The following RYR3 variants were observed in gnomAD, a reference collection of about 807,000 sequenced individuals.
RYR3 encodes brain ryanodine receptor-calcium release channel.
RYR3 carries 207 observed loss-of-function variants against 584.3 expected under a neutral mutation model. The observed-to-expected ratio is 0.35, with a 90% CI of 0.32 to 0.40. RYR3 has a LOEUF of 0.40. Ranked by LOEUF, RYR3 falls within the 10% of genes least tolerant of loss-of-function variation. The pLI is 1.00. For missense variants in RYR3, 5,616 were observed against 6,089.2 expected, an observed-to-expected ratio of 0.92 and a Z score of 2.59; for synonymous variants, 2,416 against 2,248.5, an observed-to-expected ratio of 1.07 and a Z score of -2.11.
At chr15:33,756,452 T>C (rs2071837686) in intron 59 of RYR3, 79 bp downstream of exon 59, 2 of 1,021,446 alleles carry the variant, frequency 2.0e-6, no homozygotes, top group Non-Finnish European at 1.5e-6. Flanking sequence ...GTGGATCCAG[T>C]GAAGATATCT....
At chr15:33,645,820 T>C (rs2062070286) in intron 28 of RYR3, among the ~76,000 whole-genome samples, 1 of 152,104 alleles carries the variant, frequency 6.6e-6, no homozygotes, top group Non-Finnish European at 1.5e-5. Context: ...TTCCTAGTAT[T>C]AGGAGGAGGC....
Position 33,823,011 on chromosome 15 carries a change from C to G in RYR3, c.11011C>G (p.Leu3671Val). 6.2e-7 allele frequency: 1 copy of G among 1,613,388 alleles called. No homozygotes were observed. Among genetic ancestry groups the G allele is most frequent in the Non-Finnish European group, 8.5e-7 (1 of 1,179,588 alleles). The change falls in exon 81 of 104, where the codon CTA becomes GTA. Residue 3671 changes from leucine to valine, a missense_variant. By Grantham distance (32) the Leu-to-Val change is conservative. Coordinates refer to ENST00000634891, the MANE Select transcript of RYR3 (RefSeq NM_001036.6). ...TCCCTTGCAGAAAATGCTAGATTAC[C>G]TAAAGGAGAAAAAGGATGCTGGATT... ...AGVQQKMLDY[L>V]KEKKDAGFFQ... is the part of the protein sequence containing the mutation.
chr15:33,785,850 C>G lies in RYR3; in HGVS notation c.9457C>G (p.Leu3153Val). 6.2e-7 allele frequency: 1 copy of G among 1,613,906 alleles called. No individual in the cohort carries two copies. Among genetic ancestry groups the G allele is most frequent in the Non-Finnish European group, 8.5e-7 (1 of 1,179,868 alleles). ...CTGGTGGGAGCGGGGTCCTGAGAAC[C>G]TGCCCCCCAGCACAGGGCCATGCTG... ...SYWWERGPEN[L>V]PPSTGPCCTK... Residue 3153 changes from leucine (L) to valine (V), a missense_variant, in exon 66 of 104, where the codon CTG (leucine) becomes GTG (valine). Leu to Val is a conservative substitution (Grantham distance 32). Around this residue, in one of 9 missense-constraint regions of RYR3, gnomAD observed 954 missense variants for 1,132.2 expected, o/e 0.84. Transcript: ENST00000634891.
At chr15:33,407,031 G>T (rs1263686072) in intron 1 of RYR3, among the ~76,000 whole-genome samples, 2 of 152,232 alleles carry the variant, frequency 1.3e-5, no homozygotes, top group African/African-American at 4.8e-5. Context: ...ATTGCTCTCT[G>T]CTTCCAAGAT....
chr15:33,861,405 G>A (rs1319364800), intron 102 of RYR3, among the ~76,000 whole-genome samples: 2 of 151,942 alleles, frequency 1.3e-5, no homozygotes, highest in South Asian at 4.2e-4. Flanking sequence ...ACCTGTGATT[G>A]GATTCCATCC....
intron 1 of RYR3, among the ~76,000 whole-genome samples, chr15:33,320,949 A>G (rs1456413314): frequency 6.6e-6 from 1 of 152,080 alleles, no homozygotes; most frequent in African/African-American, 2.4e-5. Flanking sequence ...ATTCTGCTTC[A>G]CTCTAAATAT....
At chr15:33,385,710 CTT>C (rs10682215) in intron 1 of RYR3, among the ~76,000 whole-genome samples, 1 of 131,402 alleles carries the variant, frequency 7.6e-6, no homozygotes. Flanking sequence ...TTTTTCTTTT[CTT>C]TTTTTTTTTG....
chr15:33,548,149 G>T lies in RYR3; in HGVS notation c.760G>T (p.Gly254Trp), dbSNP rs766677306. ...TCACAGGAGGATATTCTACGAAGCT[G>T]GGGGAGCTGGGACTCGAGCCAGGTC... ...SQHRRIFYEAGGAGTRARSLW... is the reference protein window; with the variant it reads ...SQHRRIFYEAWGAGTRARSLW... Residue 254 changes from glycine (G) to tryptophan (W), a missense_variant, in exon 9 of 104, where the codon GGG becomes TGG. Transcript: ENST00000634891. The T allele has an allele frequency of 6.2e-7, 1 of 1,612,204 alleles. No individual in the cohort carries two copies. Among genetic ancestry groups the T allele is most frequent in the African/African-American group, 1.3e-5 (1 of 74,904 alleles).
Position 33,553,147 on chromosome 15 carries a change from C to T in RYR3, c.972+2831C>T, listed in dbSNP as rs373025100. 3.1e-3 allele frequency among the ~76,000 whole-genome samples: 473 copies of T among 152,056 alleles called. 1 individual carries two copies. The highest frequency in any genetic ancestry group is 0.011 in the African/African-American group (441 of 41,468). On this transcript the variant is annotated intron_variant, in intron 10 of 103. Transcript: ENST00000634891. The stretch of plus-strand genomic sequence containing the variant: ...TTTTCTATGGGACTGGGGCAGAGGG[C>T]GAGGAAGCAGGGTATTCATCTGATC...
intron 12 of RYR3, among the ~76,000 whole-genome samples, chr15:33,573,790 A>G (rs558700828): frequency 6.6e-6 from 1 of 152,312 alleles, no homozygotes; most frequent in East Asian, 1.9e-4. Context: ...TTATCTCTAT[A>G]CATTGGGCTT....
chr15:33,635,783 G>A lies in RYR3; in HGVS notation c.3345G>A (p.Gly1115=). ...RPGCRPDVEL[G]ADDQAFVFEG... The stretch of plus-strand genomic sequence containing the variant: ...GCTGTCGACCTGATGTCGAGCTGGG[G>A]GCCGATGACCAAGCCTTTGTGTTTG... The change falls in exon 26 of 104, where the codon GGG becomes GGA. Residue 1115 remains glycine (G), a synonymous_variant. Transcript: ENST00000634891. 2 of 1,613,512 alleles carry A rather than the reference G, an allele frequency of 1.2e-6. No homozygotes were observed.
chr15:33,488,379 G>T (rs1239681755), intron 2 of RYR3, among the ~76,000 whole-genome samples: 1 of 150,556 alleles, frequency 6.6e-6, no homozygotes, highest in Non-Finnish European at 1.5e-5. Context: ...TGCTATTTTG[G>T]TCTCGATTAG....
chr15:33,788,544 T>TGAA, intron 67 of RYR3, 86 bp downstream of exon 67: 1 of 1,491,112 alleles, frequency 6.7e-7, no homozygotes. Context: ...GGTGTTGGGT[T>TGAA]GTTAACAGTG....
At chr15:33,446,771 A>G (rs139236219) in intron 1 of RYR3, among the ~76,000 whole-genome samples, 61 of 152,342 alleles carry the variant, frequency 4.0e-4, no homozygotes, top group African/African-American at 1.3e-3. Context: ...CCCAATCTTA[A>G]TTAGTTCTGC....
intron 103 of RYR3, 54 bp from the exon 104 acceptor site, chr15:33,865,077 T>C: frequency 7.0e-7 from 1 of 1,435,218 alleles, no homozygotes; most frequent in East Asian, 2.3e-5. Context: ...ACAAACTGGG[T>C]TTTAGCTTTT....
intron 1 of RYR3, among the ~76,000 whole-genome samples, chr15:33,404,589 G>GTTTT (rs57118667): frequency 6.9e-6 from 1 of 144,428 alleles, no homozygotes; most frequent in African/African-American, 2.5e-5. Flanking sequence ...ACTACTGTGT[G>GTTTT]TTTTTTTTTT....
At position 33,843,546 on chromosome 15, in the gene RYR3, C is replaced by A; in HGVS notation, c.13268C>A (p.Ala4423Asp). The A allele has an allele frequency of 6.3e-7, 1 of 1,598,872 alleles. No homozygotes were observed. The highest frequency in any genetic ancestry group is 8.5e-7 in the Non-Finnish European group (1 of 1,171,948). ...LRFLALFVAF[A>D]INFILLFYKV... ...TTCCTTGCTCTGTTTGTAGCCTTCGCTATCAACTTCATCCTGCTTTTTTAT... is the reference window on the plus strand; with the variant it reads ...TTCCTTGCTCTGTTTGTAGCCTTCGATATCAACTTCATCCTGCTTTTTTAT... Residue 4423 changes from alanine to aspartate, a missense_variant, in exon 92 of 104, where the codon GCT becomes GAT. Ala to Asp is a moderately radical substitution (Grantham distance 126). Around this residue, in one of 9 missense-constraint regions of RYR3, gnomAD observed 918 missense variants for 887.4 expected, o/e 1.03. Transcript: ENST00000634891.
chr15:33,521,143 A>ACCATAGCATC (rs2053952005), intron 3 of RYR3, among the ~76,000 whole-genome samples: 1 of 152,012 alleles, frequency 6.6e-6, no homozygotes, highest in Non-Finnish European at 1.5e-5. Context: ...ACTCTAGGTT[A>ACCATAGCATC]CCATAGCATC....
At position 33,838,284 on chromosome 15, in the gene RYR3, A is replaced by G. The variant is rs1487285380; in HGVS notation, c.12304A>G (p.Ile4102Val). 1 of 1,613,914 alleles carries G rather than the reference A, an allele frequency of 6.2e-7. No homozygotes were observed. The highest frequency in any genetic ancestry group is 8.5e-7 in the Non-Finnish European group (1 of 1,179,900). The part of the protein sequence containing the change: ...TIFEMQLASQ[I>V]SESDSADRPE... ...CTTTGAAATGCAGTTAGCATCTCAG[A>G]TCTCTGAATCCGATTCAGCTGACAG... Residue 4102 changes from isoleucine to valine, a missense_variant, in exon 89 of 104, where the codon ATC becomes GTC. By Grantham distance (29) the Ile-to-Val change is conservative. Transcript: ENST00000634891.
Sources: allele counts gnomAD v4.1 joint callset (sites outside exome capture counted in the v4.1 genomes callset), GRCh38; gene constraint gnomAD v4.1.1; regional missense constraint gnomAD v4.1.1; transcripts MANE v1.5; gene names NCBI Gene and HGNC (gene_info 2026-07-23, HGNC 2026-07-21).